WNT9B: variants seen among roughly 807,000 people sequenced by gnomAD.
The protein encoded by WNT9B is Wnt family member 9B.
Under a neutral mutation model 30.2 loss-of-function variants are expected in WNT9B, and 12 were observed. The observed-to-expected ratio is 0.40, with a 90% CI of 0.26 to 0.64. The LOEUF (loss-of-function observed/expected upper bound fraction) is 0.64. Ranked by LOEUF, WNT9B falls within the 30% of genes least tolerant of loss-of-function variation. The pLI, the probability that WNT9B is intolerant of heterozygous loss-of-function variation, is 0.42. For missense variants in WNT9B, 442 were observed against 485.2 expected (o/e 0.91, Z 0.84); for synonymous variants, 218 against 216.9 (o/e 1.01, Z -0.05).
At chr17:46,874,072 C>T (rs192280407) in intron 2 of WNT9B, among the ~76,000 whole-genome samples, 183 of 152,170 alleles carry the variant, frequency 1.2e-3, no homozygotes, top group African/African-American at 4.2e-3. Flanking sequence ...GGTCTGCAGC[C>T]AAGCTAATGG....
chr17:46,876,822 A>C lies in WNT9B; in HGVS notation c.*104A>C. 3 of 1,441,138 alleles carry C rather than the reference A, an allele frequency of 2.1e-6. No homozygotes were observed. Among genetic ancestry groups the C allele is most frequent in the Non-Finnish European group, 2.7e-6 (3 of 1,093,052 alleles). The allele number at this position is 1,441,138 out of a possible 1,614,324, so 89.3% of individuals were successfully genotyped here. A position where few individuals can be genotyped will look rare whatever the true frequency, so the allele number is the denominator to read the frequency against. ...GCAGACTGTCATCACATGCATGCAT[A>C]AACCGGCATGTGTGCCAATGCACAC... is the stretch of plus-strand genomic sequence containing the variant. On this transcript the variant is annotated 3_prime_UTR_variant, in exon 4 of 4. Coordinates refer to ENST00000290015, the MANE Select transcript of WNT9B (RefSeq NM_003396.3).
chr17:46,846,981 C>A (rs2084783302), upstream of WNT9B, among the ~76,000 whole-genome samples: 1 of 152,188 alleles, frequency 6.6e-6, no homozygotes, highest in South Asian at 2.1e-4. Context: ...ACCTTTCCTG[C>A]AAATGCTTAA....
chr17:46,879,938 G>A lies in WNT9B; in HGVS notation c.*3220G>A, dbSNP rs1208707134. Among the ~76,000 whole-genome samples the A allele has an allele frequency of 6.6e-6, 1 of 152,244 alleles. No homozygotes were observed. Among genetic ancestry groups the A allele is most frequent in the Non-Finnish European group, 1.5e-5 (1 of 68,026 alleles). On this transcript the variant is annotated 3_prime_UTR_variant, in exon 4 of 4. Coordinates refer to ENST00000290015, the MANE Select transcript of WNT9B (RefSeq NM_003396.3). ...TCCAAGGGGTCCTTCTGCCCACACT[G>A]CCCAAGAAGCTTGGGCTACACCACT...
chr17:46,872,964 C>T (rs1194475118), intron 2 of WNT9B, among the ~76,000 whole-genome samples, 191 bp downstream of exon 2: 1 of 152,004 alleles, frequency 6.6e-6, no homozygotes, highest in Non-Finnish European at 1.5e-5. Context: ...CCAGCTGTGG[C>T]CCAGCCTCAG....
At position 46,851,610 on chromosome 17, in the gene WNT9B, A is replaced by T. The variant is rs1015829620; in HGVS notation, c.-29A>T. Reference sequence around the variant, plus strand: ...CTGCGAGCTTGAGCGGCGCGAGGAGATGCTAGAGGGCGCAGCGCCGCCAGC... The same window carrying T: ...CTGCGAGCTTGAGCGGCGCGAGGAGTTGCTAGAGGGCGCAGCGCCGCCAGC... On this transcript the variant is annotated 5_prime_UTR_variant, in exon 1 of 4. An upstream start codon of the reference 5' UTR is lost. Transcript: ENST00000290015. The surrounding 1 kb of genome is among the most constrained non-coding windows in gnomAD (Gnocchi z 4.3). 9.0e-6 allele frequency: 11 copies of T among 1,225,342 alleles called. No individual in the cohort carries two copies. The highest frequency in any genetic ancestry group is 7.2e-6 in the Non-Finnish European group (7 of 977,344). The allele number at this position is 1,225,342 out of a possible 1,614,324, so 75.9% of individuals were successfully genotyped here. A position where few individuals can be genotyped will look rare whatever the true frequency, so the allele number is the denominator to read the frequency against.
intron 1 of WNT9B, among the ~76,000 whole-genome samples, chr17:46,870,402 G>A (rs1385285117): frequency 1.3e-5 from 2 of 152,202 alleles, no homozygotes; most frequent in African/African-American, 4.8e-5. Context: ...TTCCTGCCAG[G>A]CTGCAGGGAG....
At chr17:46,883,691 C>T (rs1039624010), downstream of WNT9B, among the ~76,000 whole-genome samples, 3 of 152,160 alleles carry the variant, frequency 2.0e-5, no homozygotes, top group Admixed American at 1.3e-4. Context: ...TGCCTCTTCC[C>T]GGGGAGTGCT....
At chr17:46,859,792 G>T (rs906428026) in intron 1 of WNT9B, among the ~76,000 whole-genome samples, 1 of 152,054 alleles carries the variant, frequency 6.6e-6, no homozygotes, top group Non-Finnish European at 1.5e-5. Flanking sequence ...GAAGATTGAC[G>T]TTCTAACAAT....
intron 1 of WNT9B, among the ~76,000 whole-genome samples, chr17:46,839,026 C>T (rs1598825002): frequency 6.6e-6 from 1 of 152,036 alleles, no homozygotes; most frequent in African/African-American, 2.4e-5. Flanking sequence ...TACAGGCGCC[C>T]GCCACCATGC....
intron 1 of WNT9B, among the ~76,000 whole-genome samples, chr17:46,845,639 C>T (rs577898063): frequency 1.7e-4 from 25 of 151,442 alleles, no homozygotes; most frequent in African/African-American, 5.6e-4. Context: ...TACAGGTGCC[C>T]GCCACCACAC....
chr17:46,838,350 G>A (rs2084658510), intron 1 of WNT9B, among the ~76,000 whole-genome samples: 1 of 151,828 alleles, frequency 6.6e-6, no homozygotes, highest in Non-Finnish European at 1.5e-5. Flanking sequence ...TCACAGGCCA[G>A]GTGTGGTGGC....
intron 1 of WNT9B, among the ~76,000 whole-genome samples, chr17:46,842,004 A>G (rs1237293995): frequency 6.6e-6 from 1 of 152,082 alleles, no homozygotes; most frequent in Non-Finnish European, 1.5e-5. Flanking sequence ...GCTCCTGCAG[A>G]AGGCTGGCCG....
At chr17:46,834,216 T>C (rs2084594948) in intron 1 of WNT9B, among the ~76,000 whole-genome samples, 1 of 151,982 alleles carries the variant, frequency 6.6e-6, no homozygotes, top group African/African-American at 2.4e-5. Flanking sequence ...AAAGAAAATG[T>C]CTTACTTCCA....
chr17:46,857,323 G>A (rs1408005693), intron 1 of WNT9B, among the ~76,000 whole-genome samples: 1 of 151,902 alleles, frequency 6.6e-6, no homozygotes, highest in East Asian at 1.9e-4. Flanking sequence ...ACAAGAATCA[G>A]CTGGGTGTGA....
At chr17:46,842,226 G>T (rs1598828658) in intron 1 of WNT9B, among the ~76,000 whole-genome samples, 1 of 152,232 alleles carries the variant, frequency 6.6e-6, no homozygotes, top group Non-Finnish European at 1.5e-5. Flanking sequence ...CGCAAACTGG[G>T]TTGTGTGAGG....
chr17:46,867,889 G>T (rs1200965721), intron 1 of WNT9B, among the ~76,000 whole-genome samples: 1 of 152,146 alleles, frequency 6.6e-6, no homozygotes, highest in Admixed American at 6.5e-5. Context: ...GTCATCGCAT[G>T]TGTGGAGGTG....
chr17:46,846,305 C>T (rs1178185868), intron 1 of WNT9B, among the ~76,000 whole-genome samples: 2 of 152,190 alleles, frequency 1.3e-5, no homozygotes, highest in African/African-American at 4.8e-5. Context: ...TTTATTCATT[C>T]AGTTATTCAT....
chr17:46,840,017 TTCTTTC>T (rs750187317), intron 1 of WNT9B, among the ~76,000 whole-genome samples: 24 of 99,620 alleles, frequency 2.4e-4, no homozygotes, highest in Non-Finnish European at 4.4e-4. Context: ...CTTTCTTTCT[TTCTTTC>T]TTTCTTTCTT....
At chr17:46,838,604 G>A (rs1304634785) in intron 1 of WNT9B, among the ~76,000 whole-genome samples, 1 of 152,082 alleles carries the variant, frequency 6.6e-6, no homozygotes, top group African/African-American at 2.4e-5. Context: ...TCCAGCCTGG[G>A]CGACAGAGCG....
Sources: gnomAD v4.1 joint callset for allele counts (sites outside exome capture counted in the v4.1 genomes callset) on GRCh38, gnomAD v4.1.1 for gene constraint, Gnocchi (gnomAD v3.1) non-coding constraint, MANE v1.5 for transcripts, NCBI Gene and HGNC (gene_info 2026-07-23, HGNC 2026-07-21) for gene names.